CUBN: variants seen among roughly 807,000 people sequenced by gnomAD.
The protein encoded by CUBN is 460 kDa receptor.
A neutral mutation model predicts 405.3 loss-of-function variants in CUBN; 282 were observed. The ratio of observed to expected loss-of-function variants is 0.70; its 90% CI spans 0.63 to 0.77. CUBN has a LOEUF of 0.77. Ranked by LOEUF, CUBN falls within the 30% of genes least tolerant of loss-of-function variation. The probability of loss-of-function intolerance (pLI) is 0.00; values close to 1 mark genes in which losing one functional copy is unlikely to be tolerated. For missense variants in CUBN, 4,514 were observed against 4,475.2 expected, an observed-to-expected ratio of 1.01 and a Z score of -0.25; for synonymous variants, 1,684 against 1,617.0, an observed-to-expected ratio of 1.04 and a Z score of -0.99.
At chr10:16,852,213 CTCTA>C (rs1175596268) in intron 59 of CUBN, among the ~76,000 whole-genome samples, 5 of 119,426 alleles carry the variant, frequency 4.2e-5, no homozygotes, top group Non-Finnish European at 8.6e-5. Flanking sequence ...CCCTTCCTCA[CTCTA>C]TCTTTCCCTC....
chr10:17,092,395 A>T (rs1836283403), intron 14 of CUBN, among the ~76,000 whole-genome samples: 1 of 152,154 alleles, frequency 6.6e-6, no homozygotes, highest in African/African-American at 2.4e-5. Context: ...TCCATCTTGA[A>T]TAGGGGCTGG....
intron 59 of CUBN, among the ~76,000 whole-genome samples, chr10:16,857,615 A>C (rs1839899096): frequency 6.6e-6 from 1 of 152,240 alleles, no homozygotes; most frequent in Admixed American, 6.5e-5. Flanking sequence ...GGATTTGACA[A>C]AATCCAACAC....
At chr10:16,947,152 G>T in intron 36 of CUBN, 83 bp downstream of exon 36, 1 of 1,398,758 alleles carries the variant, frequency 7.1e-7, no homozygotes, top group Non-Finnish European at 1.0e-6. Context: ...CGTACACTAT[G>T]AGTTGCCCAT....
chr10:16,955,014 G>T (rs1335035164), intron 31 of CUBN, among the ~76,000 whole-genome samples: 1 of 152,222 alleles, frequency 6.6e-6, no homozygotes, highest in Non-Finnish European at 1.5e-5. Flanking sequence ...CTCAAGAGAA[G>T]AGAAATGGCA....
intron 31 of CUBN, chr10:16,966,040 G>T: frequency 2.1e-6 from 1 of 467,538 alleles, no homozygotes; most frequent in South Asian, 1.6e-5. Context: ...CCATGATTCT[G>T]TGAAGCTAAG....
chr10:17,002,126 A>C (rs995336829), intron 28 of CUBN, among the ~76,000 whole-genome samples: 1 of 151,944 alleles, frequency 6.6e-6, no homozygotes, highest in African/African-American at 2.4e-5. Context: ...GGTCGAAAAG[A>C]GAAACCTCTG....
At chr10:17,111,608 T>C (rs1382504991) in intron 8 of CUBN, among the ~76,000 whole-genome samples, 1 of 152,162 alleles carries the variant, frequency 6.6e-6, no homozygotes, top group Non-Finnish European at 1.5e-5. Flanking sequence ...ATTGAAAGAA[T>C]TTTTGTATAT....
chr10:16,988,181 G>A (rs1833483638), intron 29 of CUBN, among the ~76,000 whole-genome samples: 1 of 152,192 alleles, frequency 6.6e-6, no homozygotes, highest in Non-Finnish European at 1.5e-5. Context: ...TGCCAAGTGG[G>A]CAACAATCAC....
chr10:16,868,462 T>C (rs542802129), intron 59 of CUBN, among the ~76,000 whole-genome samples: 1 of 152,250 alleles, frequency 6.6e-6, no homozygotes, highest in Non-Finnish European at 1.5e-5. Context: ...CTTCACAGAG[T>C]ATGAGATTTG....
chr10:16,990,081 C>T (rs1049611556), intron 29 of CUBN, among the ~76,000 whole-genome samples: 3 of 152,232 alleles, frequency 2.0e-5, no homozygotes, highest in East Asian at 1.9e-4. Context: ...TTCACTCACT[C>T]GTCCTGGGCT....
intron 60 of CUBN, 44 bp downstream of exon 60, chr10:16,851,191 G>A: frequency 6.8e-7 from 1 of 1,465,118 alleles, no homozygotes; most frequent in Non-Finnish European, 9.6e-7. Context: ...CTATATTAGA[G>A]TCTGGGATGA....
In CUBN at chr10:16,919,987, C is replaced by T. The variant is rs1437222146; in HGVS notation, c.6797G>A (p.Arg2266Gln). 8 of 1,613,402 alleles carry T rather than the reference C, an allele frequency of 5.0e-6. No individual in the cohort carries two copies. Among genetic ancestry groups the T allele is most frequent in the East Asian group, 4.5e-5 (2 of 44,862 alleles). ...CTTGGGTGTTACTTCAATATCGAAT[C>T]GATCTTCAAATTGCAGCTGTATGCG... ...ETRIQLQFED[R>Q]FDIEVTPNCT... Residue 2266 changes from arginine to glutamine, a missense_variant, in exon 44 of 67, where the codon CGA (arginine) becomes CAA (glutamine). Around this residue, in one of 5 missense-constraint regions of CUBN, gnomAD observed 1,613 missense variants for 1,542.8 expected, o/e 1.05. Coordinates refer to ENST00000377833, the MANE Select transcript of CUBN (RefSeq NM_001081.4).
Position 16,904,097 on chromosome 10 carries a change from AG to A in CUBN, c.7930del (p.Leu2644Ter). On this transcript the variant is annotated frameshift_variant, in exon 51 of 67. Transcript: ENST00000377833. LOFTEE classifies it high-confidence loss of function. ...TGAAGGACCACAAAGTCTCCACATC[AG>A]GGGCCCATCAGCATCACCTGAACAA... ...EFRVGDADGP[L>X]MWRLCGPSKP... 6.2e-7 allele frequency: 1 copy of A among 1,613,846 alleles called. No individual in the cohort carries two copies. The highest frequency in any genetic ancestry group is 1.1e-5 in the South Asian group (1 of 91,078).
intron 60 of CUBN, among the ~76,000 whole-genome samples, chr10:16,847,412 A>C (rs529542358): frequency 6.6e-6 from 1 of 152,172 alleles, no homozygotes; most frequent in East Asian, 1.9e-4. Context: ...AGATAGCACC[A>C]CTGCAGTCCA....
Position 17,071,914 on chromosome 10 carries a change from T to G in CUBN, c.2359A>C (p.Ile787Leu). Residue 787 changes from isoleucine (I) to leucine (L), a missense_variant, in exon 18 of 67, where the codon ATT becomes CTT. By Grantham distance (5) the Ile-to-Leu change is conservative. This residue lies in a region of CUBN where 1,448 missense variants were observed against 1,388.0 expected (regional missense o/e 1.04). Transcript: ENST00000377833. ...KVCGNGTISHIKSITNSVWIR... is the reference protein window; with the variant it reads ...KVCGNGTISHLKSITNSVWIR... ...CAGACACTATTAGTAATGGATTTAA[T>G]GTGAGAGATGGTTCCGTTGCCACAG... The G allele has an allele frequency of 6.2e-7, 1 of 1,613,396 alleles. No homozygotes were observed. Among genetic ancestry groups the G allele is most frequent in the Non-Finnish European group, 8.5e-7 (1 of 1,179,688 alleles).
At chr10:16,997,838 A>T (rs1242276298) in intron 28 of CUBN, among the ~76,000 whole-genome samples, 1 of 152,176 alleles carries the variant, frequency 6.6e-6, no homozygotes, top group African/African-American at 2.4e-5. Context: ...GCCAAGTGAT[A>T]GGCATCTGTC....
chr10:16,971,010 C>A (rs923508225), intron 31 of CUBN, among the ~76,000 whole-genome samples: 37 of 152,048 alleles, frequency 2.4e-4, no homozygotes, highest in African/African-American at 8.7e-4. Flanking sequence ...TCTAACAACC[C>A]AAATTGTTAT....
intron 60 of CUBN, among the ~76,000 whole-genome samples, chr10:16,848,389 A>T (rs557686723): frequency 6.6e-6 from 1 of 152,322 alleles, no homozygotes; most frequent in East Asian, 1.9e-4. Context: ...CCAACGGGGA[A>T]AAAAAGGGAG....
At chr10:16,968,069 G>A (rs529491538) in intron 31 of CUBN, among the ~76,000 whole-genome samples, 3 of 152,238 alleles carry the variant, frequency 2.0e-5, no homozygotes, top group African/African-American at 7.2e-5. Flanking sequence ...GGATTTGTTT[G>A]TAAAACAGTA....
Sources: allele counts gnomAD v4.1 joint callset (sites outside exome capture counted in the v4.1 genomes callset), GRCh38; gene constraint gnomAD v4.1.1; regional missense constraint gnomAD v4.1.1; transcripts MANE v1.5; gene names NCBI Gene and HGNC (gene_info 2026-07-23, HGNC 2026-07-21).